Variants in PAX7 observed in about 807,000 individuals in gnomAD.
PAX7 encodes paired box protein Pax-7.
In PAX7, 18 loss-of-function variants were observed where a neutral mutation model predicts 50.7. The ratio of observed to expected loss-of-function variants is 0.36; its 90% CI spans 0.25 to 0.53. PAX7 has a LOEUF of 0.53. Ranked by LOEUF, PAX7 falls within the 20% of genes least tolerant of loss-of-function variation. PAX7 has a pLI of 0.93. For synonymous variants in PAX7, 310 were observed against 290.4 expected, an observed-to-expected ratio of 1.07 and a Z score of -0.69; for missense variants, 644 against 702.9, an observed-to-expected ratio of 0.92 and a Z score of 0.95.
chr1:18,702,646 C>G (rs1445228708), intron 6 of PAX7, among the ~76,000 whole-genome samples: 2 of 152,116 alleles, frequency 1.3e-5, no homozygotes, highest in Admixed American at 6.5e-5. Context: ...CCAAGCCCAC[C>G]AAGCCTTGGT....
rs2089571006 is a variant in PAX7, at chr1:18,726,301, G to GA, written c.1156-9328dup. Among the ~76,000 whole-genome samples, 1 of 152,206 alleles carries GA rather than the reference G, an allele frequency of 6.6e-6. No homozygotes were observed. The highest frequency in any genetic ancestry group is 1.5e-5 in the Non-Finnish European group (1 of 68,036). On this transcript the variant is annotated intron_variant, in intron 7 of 8. Coordinates refer to ENST00000420770, the MANE Select transcript of PAX7 (RefSeq NM_001135254.2). This position sits in a 1 kb window ranked among gnomAD's most constrained non-coding sequence, Gnocchi z 4.8. ...CCCTGGAATGGGGAGGGGGCACTTA[G>GA]AAACCCATTGGGTTGGAGGATGTTT... is the stretch of plus-strand genomic sequence containing the variant.
At chr1:18,672,636 C>T (rs984470737) in intron 4 of PAX7, among the ~76,000 whole-genome samples, 13 of 147,168 alleles carry the variant, frequency 8.8e-5, no homozygotes, top group African/African-American at 3.0e-4. Flanking sequence ...AAGTCTCGCT[C>T]GCTCTGTCGC....
At chr1:18,658,462 G>A (rs2088555932) in intron 4 of PAX7, among the ~76,000 whole-genome samples, 1 of 152,182 alleles carries the variant, frequency 6.6e-6, no homozygotes, top group Admixed American at 6.5e-5. Context: ...GTGTACCATC[G>A]CCTCTGCAGA....
rs1931373234 is a variant in PAX7, at chr1:18,745,001, G to T, written c.*72G>T. 1.2e-6 allele frequency: 1 copy of T among 864,780 alleles called. No individual in the cohort carries two copies. The highest frequency in any genetic ancestry group is 2.7e-5 in the East Asian group (1 of 37,554). 53.6% of individuals were successfully genotyped at this position (864,780 alleles called of 1,614,324 possible). A position where few individuals can be genotyped will look rare whatever the true frequency, so the allele number is the denominator to read the frequency against. On this transcript the variant is annotated 3_prime_UTR_variant, in exon 9 of 9. Transcript: ENST00000420770. ...ACTGACCCCTGAGCTTCCCAGCCTT[G>T]CCGCCTCACCCCCCTGTTGTCCTAG...
intron 5 of PAX7, among the ~76,000 whole-genome samples, chr1:18,699,179 C>T (rs571895054): frequency 8.1e-4 from 123 of 152,340 alleles, no homozygotes; most frequent in African/African-American, 2.9e-3. Flanking sequence ...GCAAGGAATG[C>T]ATGGCCTCTG....
intron 4 of PAX7, among the ~76,000 whole-genome samples, chr1:18,665,457 C>G (rs571011087): frequency 6.6e-6 from 1 of 152,106 alleles, no homozygotes; most frequent in Non-Finnish European, 1.5e-5. Context: ...CTCACCGCAA[C>G]CTCCACCTCC....
intron 4 of PAX7, among the ~76,000 whole-genome samples, chr1:18,653,572 A>G (rs2088467285): frequency 6.6e-6 from 1 of 152,124 alleles, no homozygotes; most frequent in South Asian, 2.1e-4. Flanking sequence ...GTAGCTGCTG[A>G]TGACATGGAT....
chr1:18,669,824 T>G (rs1013001672), intron 4 of PAX7, among the ~76,000 whole-genome samples: 1 of 152,290 alleles, frequency 6.6e-6, no homozygotes. Context: ...AAGGAGCTAA[T>G]CCACAAAAAG....
rs765482064 is a variant in PAX7, at chr1:18,634,377, C to G, written c.160C>G (p.His54Asp). 6.2e-7 allele frequency: 1 copy of G among 1,614,000 alleles called. No individual in the cohort carries two copies. The highest frequency in any genetic ancestry group is 1.7e-5 in the Admixed American group (1 of 60,010). Residue 54 changes from histidine (H) to aspartate (D), a missense_variant, in exon 2 of 9, where the codon CAC becomes GAC. Physicochemically the swap from His to Asp is moderately conservative, Grantham distance 81 (BLOSUM62 -1). Coordinates refer to ENST00000420770, the MANE Select transcript of PAX7 (RefSeq NM_001135254.2). The surrounding 1 kb of genome is among the most constrained non-coding windows in gnomAD (Gnocchi z 4.0). ...VFINGRPLPN[H>D]IRHKIVEMAH... Reference sequence around the variant, plus strand: ...CATCAATGGGCGACCCCTGCCTAACCACATCCGCCACAAGATAGTGGAGAT... The same window carrying G: ...CATCAATGGGCGACCCCTGCCTAACGACATCCGCCACAAGATAGTGGAGAT...
At chr1:18,633,540 A>G (rs2088093111) in intron 1 of PAX7, among the ~76,000 whole-genome samples, 1 of 152,176 alleles carries the variant, frequency 6.6e-6, no homozygotes, top group Non-Finnish European at 1.5e-5. Flanking sequence ...GGCCAAGTCG[A>G]CTATTTAATT....
chr1:18,711,621 C>G (rs1416325393), intron 7 of PAX7, among the ~76,000 whole-genome samples: 1 of 152,184 alleles, frequency 6.6e-6, no homozygotes, highest in Non-Finnish European at 1.5e-5. Context: ...GCTCCTCCCT[C>G]AAGCCCCTGG....
In PAX7 at chr1:18,748,487, G is replaced by A. The variant is rs890008906; in HGVS notation, c.*3558G>A. 3.5e-5 allele frequency: 8 copies of A among 231,640 alleles called. No homozygotes were observed. Among genetic ancestry groups the A allele is most frequent in the Non-Finnish European group, 6.0e-5 (7 of 117,120 alleles). The allele number at this position is 231,640 out of a possible 1,614,324, so 14.3% of individuals were successfully genotyped here. On this transcript the variant is annotated 3_prime_UTR_variant, in exon 9 of 9. Coordinates refer to ENST00000420770, the MANE Select transcript of PAX7 (RefSeq NM_001135254.2). ...GGTTCTCTAGCCGCCAACTTGAAAC[G>A]CTCTGAGACTTCTGTGTATTTGATG...
chr1:18,700,935 G>C lies in PAX7; in HGVS notation c.952+117G>C. The C allele has an allele frequency of 1.0e-6, 1 of 1,004,960 alleles. No individual in the cohort carries two copies. The highest frequency in any genetic ancestry group is 1.4e-6 in the Non-Finnish European group (1 of 733,312). 62.3% of individuals were successfully genotyped at this position (1,004,960 alleles called of 1,614,324 possible). On this transcript the variant is annotated intron_variant, in intron 6 of 8. Coordinates refer to ENST00000420770, the MANE Select transcript of PAX7 (RefSeq NM_001135254.2). The surrounding 1 kb of genome is among the most constrained non-coding windows in gnomAD (Gnocchi z 4.8). Reference sequence around the variant, plus strand: ...CCATTTCTTACTTTCATGTAAGCAGGCTATTGAGAGCAAAAAGATGCAATC... The same window carrying C: ...CCATTTCTTACTTTCATGTAAGCAGCCTATTGAGAGCAAAAAGATGCAATC...
intron 4 of PAX7, among the ~76,000 whole-genome samples, chr1:18,645,301 G>C (rs2088320762): frequency 6.6e-6 from 1 of 152,256 alleles, no homozygotes. Context: ...GGAGCGGCTG[G>C]GCTGCGGAGC....
At chr1:18,653,703 C>A (rs1235184802) in intron 4 of PAX7, among the ~76,000 whole-genome samples, 2 of 151,846 alleles carry the variant, frequency 1.3e-5, no homozygotes, top group African/African-American at 4.8e-5. Flanking sequence ...AACGTATCTG[C>A]CCCCATTTTA....
chr1:18,696,184 G>A (rs1219041042), intron 5 of PAX7, among the ~76,000 whole-genome samples: 1 of 151,018 alleles, frequency 6.6e-6, no homozygotes, highest in Admixed American at 6.7e-5. Context: ...TCCTGCCTCA[G>A]CCTCCCGAGT....
At chr1:18,730,865 G>A (rs1446578721) in intron 7 of PAX7, among the ~76,000 whole-genome samples, 2 of 151,778 alleles carry the variant, frequency 1.3e-5, no homozygotes, top group African/African-American at 2.4e-5. Flanking sequence ...TAGTCTGGTC[G>A]AGGCTGGGAC....
chr1:18,657,339 T>C (rs1028630832), intron 4 of PAX7, among the ~76,000 whole-genome samples: 3 of 150,374 alleles, frequency 2.0e-5, no homozygotes, highest in African/African-American at 7.4e-5. Flanking sequence ...AGCAGAAGCC[T>C]CATGTGGAGA....
chr1:18,725,982 G>GTC (rs1358461907), intron 7 of PAX7, among the ~76,000 whole-genome samples: 272 of 143,590 alleles, frequency 1.9e-3, no homozygotes, highest in African/African-American at 7.0e-3. Flanking sequence ...TTGGAAGAGT[G>GTC]TGTGTGTGTG....
Sources: gnomAD v4.1 joint callset for allele counts (sites outside exome capture counted in the v4.1 genomes callset) on GRCh38, gnomAD v4.1.1 for gene constraint, Gnocchi (gnomAD v3.1) non-coding constraint, MANE v1.5 for transcripts, NCBI Gene and HGNC (gene_info 2026-07-23, HGNC 2026-07-21) for gene names.